The following SPRYD3 variants were observed in gnomAD, a reference collection of about 807,000 sequenced individuals.
The protein encoded by SPRYD3 is SPRY domain-containing protein 3.
In SPRYD3, 17 loss-of-function variants were observed where a neutral mutation model predicts 50.1. That is an observed-to-expected ratio of 0.34 (90% CI 0.23 to 0.51). The LOEUF is 0.51. Among genes scored for constraint, SPRYD3 ranks in the 20% least tolerant of loss-of-function variants. The pLI, the probability that SPRYD3 is intolerant of heterozygous loss-of-function variation, is 0.97. For missense variants in SPRYD3, 401 were observed against 591.2 expected (o/e 0.68, Z 3.34); for synonymous variants, 198 against 215.5 (o/e 0.92, Z 0.71).
intron 6 of SPRYD3, among the ~76,000 whole-genome samples, chr12:53,072,223 G>A: frequency 6.6e-6 from 1 of 152,194 alleles, no homozygotes; most frequent in African/African-American, 2.4e-5. Flanking sequence ...GGCATCTGAG[G>A]CCTCTTAGCT....
In SPRYD3 at chr12:53,066,682, C is replaced by A; in HGVS notation, c.912G>T (p.Lys304Asn). 1 of 1,610,486 alleles carries A rather than the reference C, an allele frequency of 6.2e-7. No individual in the cohort carries two copies. Among genetic ancestry groups the A allele is most frequent in the Non-Finnish European group, 8.5e-7 (1 of 1,177,688 alleles). Residue 304 changes from lysine to asparagine, a missense_variant, in exon 9 of 11, where the codon AAG becomes AAT. Physicochemically the swap from Lys to Asn is moderately conservative, Grantham distance 94. Coordinates refer to ENST00000301463, the MANE Select transcript of SPRYD3 (RefSeq NM_032840.3). The part of the protein sequence containing the change: ...GSVAYHADDG[K>N]IFHGSGVGDP... The stretch of plus-strand genomic sequence containing the variant: ...CCCCCACACCACTGCCATGGAAGAT[C>A]TTCCCATCGTCTGTTGGAGGGAGGG...
intron 6 of SPRYD3, among the ~76,000 whole-genome samples, chr12:53,069,697 T>G (rs1475121148): frequency 1.3e-5 from 2 of 152,192 alleles, no homozygotes; most frequent in Non-Finnish European, 2.9e-5. Context: ...CCACACTGTT[T>G]GACTTCTGTT....
At chr12:53,067,994 T>C (rs1565616897) in intron 7 of SPRYD3, among the ~76,000 whole-genome samples, 161 bp downstream of exon 7, 1 of 152,072 alleles carries the variant, frequency 6.6e-6, no homozygotes, top group Non-Finnish European at 1.5e-5. Flanking sequence ...GGGTGTGTAC[T>C]CTTACACAGC....
At chr12:53,072,040 AG>A (rs1402817332) in intron 6 of SPRYD3, among the ~76,000 whole-genome samples, 3 of 152,264 alleles carry the variant, frequency 2.0e-5, no homozygotes, top group Non-Finnish European at 2.9e-5. Flanking sequence ...AGCTGAGAGC[AG>A]AGTGGGGACA....
intron 8 of SPRYD3, among the ~76,000 whole-genome samples, chr12:53,067,274 C>A (rs1299686493): frequency 6.6e-6 from 1 of 151,736 alleles, no homozygotes; most frequent in African/African-American, 2.4e-5. Context: ...CCAGGGAGGG[C>A]AGGCAGGGGG....
intron 4 of SPRYD3, 26 bp downstream of exon 4, chr12:53,075,069 G>T (rs760428351): frequency 3.7e-6 from 6 of 1,606,472 alleles, no homozygotes; most frequent in Non-Finnish European, 4.3e-6. Context: ...TAGGAAAAGG[G>T]CCGGGTTGCA....
At chr12:53,077,042 A>G in intron 2 of SPRYD3, 73 bp downstream of exon 2, 2 of 592,212 alleles carry the variant, frequency 3.4e-6, no homozygotes, top group Non-Finnish European at 4.8e-6. Context: ...AATAAAAGTT[A>G]AAAAAAAAAA....
chr12:53,074,762 C>T lies in SPRYD3; in HGVS notation c.394G>A (p.Gly132Ser). The stretch of plus-strand genomic sequence containing the variant: ...TTGCACTTTGACCCAAACTGGCGGC[C>T]CTTGGCTCGGCCATTGTACAGCCTA... The part of the protein sequence containing the change: ...DGKLYNGRAK[G>S]RQFGSKCNSG... The change falls in exon 5 of 11, where the codon GGC (glycine) becomes AGC (serine). Residue 132 changes from glycine (G) to serine (S), a missense_variant. Transcript: ENST00000301463. The surrounding 1 kb of genome is among the most constrained non-coding windows in gnomAD (Gnocchi z 4.6). 6.2e-7 allele frequency: 1 copy of T among 1,614,262 alleles called. No individual in the cohort carries two copies. The highest frequency in any genetic ancestry group is 8.5e-7 in the Non-Finnish European group (1 of 1,180,052).
chr12:53,069,638 G>A (rs1006467509), intron 6 of SPRYD3, among the ~76,000 whole-genome samples: 5 of 152,206 alleles, frequency 3.3e-5, no homozygotes, highest in African/African-American at 1.2e-4. Flanking sequence ...GGGGATGGAT[G>A]AGGGGGAAAG....
intron 6 of SPRYD3, among the ~76,000 whole-genome samples, chr12:53,070,092 C>G (rs58872579): frequency 2.0e-4 from 30 of 152,316 alleles, no homozygotes; most frequent in African/African-American, 7.0e-4. Flanking sequence ...ACGGACTACC[C>G]CAACATGGGT....
In SPRYD3 at chr12:53,075,644, C is replaced by T. The variant is rs1190868374; in HGVS notation, c.246+92G>A. 5.9e-6 allele frequency: 6 copies of T among 1,023,234 alleles called. No individual in the cohort carries two copies. The Admixed American group carries it at 9.2e-5, about 16-fold the overall frequency. The allele number at this position is 1,023,234 out of a possible 1,614,324, so 63.4% of individuals were successfully genotyped here. On this transcript the variant is annotated intron_variant, in intron 3 of 10. Coordinates refer to ENST00000301463, the MANE Select transcript of SPRYD3 (RefSeq NM_032840.3). ...AGCCCTGATGGAAAATTAAAAGGCC[C>T]AGGTCATACATCTAGTAAAGGAGCT...
chr12:53,065,839 C>T lies in SPRYD3; in HGVS notation c.1322G>A (p.Ser441Asn), dbSNP rs1295017398. ...EKVKVDLHPL[S>N]G ...AGGTCTGGAGGGGAGGCCCTAGCCA[C>T]TCAAGGGGTGCAGATCTACTTTGAC... Residue 441 changes from serine (S) to asparagine (N), a missense_variant, in exon 11 of 11, where the codon AGT (serine) becomes AAT (asparagine). Coordinates refer to ENST00000301463, the MANE Select transcript of SPRYD3 (RefSeq NM_032840.3). 1.2e-6 allele frequency: 2 copies of T among 1,612,808 alleles called. No homozygotes were observed. Among genetic ancestry groups the T allele is most frequent in the Non-Finnish European group, 1.7e-6 (2 of 1,179,594 alleles).
At position 53,066,449 on chromosome 12, in the gene SPRYD3, A is replaced by G. The variant is rs1944508949; in HGVS notation, c.1059T>C (p.Ser353=). Residue 353 remains serine, a synonymous_variant, in exon 10 of 11, where the codon TCT becomes TCC. Coordinates refer to ENST00000301463, the MANE Select transcript of SPRYD3 (RefSeq NM_032840.3). ...CGTTCCGGACGGCCCGGGCAGTCGG[A>G]GACAGGATCACTGTGTCACAACTGT... ...SDDSCDTVIL[S]PTARAVRNVR... is the part of the protein sequence containing the mutation. The G allele has an allele frequency of 1.2e-6, 2 of 1,613,924 alleles. No homozygotes were observed. Among genetic ancestry groups the G allele is most frequent in the African/African-American group, 2.7e-5 (2 of 74,858 alleles).
At chr12:53,077,294 C>G (rs757064172) in intron 1 of SPRYD3, 33 bp from the exon 2 acceptor site, 30 of 1,612,878 alleles carry the variant, frequency 1.9e-5, no homozygotes, top group Non-Finnish European at 2.5e-5. Flanking sequence ...GAGGAGAAAG[C>G]AGGGCCCTAG....
At chr12:53,077,046 A>G in intron 2 of SPRYD3, 69 bp downstream of exon 2, 1 of 1,537,628 alleles carries the variant, frequency 6.5e-7, no homozygotes, top group Non-Finnish European at 8.8e-7. Flanking sequence ...AAAGTTAAAA[A>G]AAAAAAACCC....
chr12:53,076,071 A>C (rs760398943), intron 2 of SPRYD3, among the ~76,000 whole-genome samples: 2 of 152,222 alleles, frequency 1.3e-5, no homozygotes, highest in Non-Finnish European at 2.9e-5. Flanking sequence ...AAAAGAATGT[A>C]GAGCCTCCCT....
At chr12:53,073,225 A>C in intron 6 of SPRYD3, 61 bp downstream of exon 6, 1 of 1,105,714 alleles carries the variant, frequency 9.0e-7, no homozygotes, top group Middle Eastern at 2.5e-4. Context: ...CCATGTGCCC[A>C]CAGGTGTTCT....
intron 1 of SPRYD3, chr12:53,078,028 T>G (rs1944601834): frequency 4.7e-6 from 2 of 429,810 alleles, no homozygotes; most frequent in Non-Finnish European, 9.4e-6. Context: ...CTACTAAAAA[T>G]TAAAACAATG....
intron 1 of SPRYD3, 106 bp from the exon 2 acceptor site, chr12:53,077,367 C>A: frequency 5.2e-6 from 6 of 1,155,418 alleles, no homozygotes; most frequent in Non-Finnish European, 7.4e-6. Flanking sequence ...AGGCCAGCTG[C>A]CCAGATTGAC....
Sources: allele counts gnomAD v4.1 joint callset (sites outside exome capture counted in the v4.1 genomes callset), GRCh38; gene constraint gnomAD v4.1.1; non-coding constraint Gnocchi (gnomAD v3.1); transcripts MANE v1.5; gene names NCBI Gene and HGNC (gene_info 2026-07-23, HGNC 2026-07-21).